Variants in SGCZ observed in about 807,000 individuals in gnomAD.
The protein encoded by SGCZ is sarcoglycan zeta.
In SGCZ, 40 loss-of-function variants were observed where a neutral mutation model predicts 41.3. The observed-to-expected ratio is 0.97, with a 90% confidence interval of 0.75 to 1.26. The LOEUF (loss-of-function observed/expected upper bound fraction) is 1.26, where lower values mean the gene tolerates loss of function less well. Ranked by LOEUF, SGCZ falls within the 50% of genes most tolerant of loss-of-function variation. SGCZ has a pLI of 0.00. For missense variants in SGCZ, 552 were observed against 369.8 expected (o/e 1.49, Z -4.04); for synonymous variants, 206 against 137.5 (o/e 1.50, Z -3.49).
At chr8:14,285,163 G>T (rs542700855) in intron 3 of SGCZ, among the ~76,000 whole-genome samples, 1 of 152,098 alleles carries the variant, frequency 6.6e-6, no homozygotes, top group African/African-American at 2.4e-5. Context: ...GATCCTTCTA[G>T]GCTTTTTATT....
At position 15,108,366 on chromosome 8, in the gene SGCZ, G is replaced by A. The variant is rs564373599; in HGVS notation, c.39+129219C>T. ...CTCACTACCCTATGCCCTGCTTCTC[G>A]CTGAATGTCCTGAGGGCTAAAGGGA... On this transcript the variant is annotated intron_variant, in intron 1 of 7. Coordinates refer to ENST00000382080, the MANE Select transcript of SGCZ (RefSeq NM_139167.4). Among the ~76,000 whole-genome samples the A allele has an allele frequency of 3.3e-5, 5 of 152,200 alleles. No homozygotes were observed. The South Asian group carries it at 8.3e-4, about 25-fold the overall frequency.
chr8:14,419,645 T>C (rs914841572), intron 2 of SGCZ, among the ~76,000 whole-genome samples: 2 of 151,996 alleles, frequency 1.3e-5, no homozygotes, highest in African/African-American at 2.4e-5. Context: ...GCAACTATAA[T>C]GTTTGATGAA....
At chr8:14,094,783 C>A (rs1585127891) in intron 7 of SGCZ, among the ~76,000 whole-genome samples, 1 of 152,158 alleles carries the variant, frequency 6.6e-6, no homozygotes, top group East Asian at 1.9e-4. Flanking sequence ...TTCTCCACAT[C>A]CTCACCAGCA....
At chr8:14,487,860 C>T (rs1357817137) in intron 2 of SGCZ, 1 of 150,224 alleles carries the variant, frequency 6.7e-6, no homozygotes, top group Non-Finnish European at 1.5e-5. Flanking sequence ...AATTGTAGCA[C>T]ATGTACAACC....
chr8:14,421,794 G>A (rs1799643956), intron 2 of SGCZ, among the ~76,000 whole-genome samples: 1 of 151,926 alleles, frequency 6.6e-6, no homozygotes, highest in Admixed American at 6.6e-5. Context: ...TATATACTAG[G>A]AGTCAATAAA....
chr8:14,487,664 C>T (rs1405971624), intron 2 of SGCZ: 1 of 152,156 alleles, frequency 6.6e-6, no homozygotes, highest in Non-Finnish European at 1.5e-5. Flanking sequence ...TTTATCTTAC[C>T]CCAGAGAGAA....
rs988947968 is a variant in SGCZ at position 14,438,800 on chromosome 8, T to C, written c.235-114596A>G. ...ATTAATAAATAGAAAACCATGATAATTTTAATTATACCTTAACATCATATT... is the reference window on the plus strand; with the variant it reads ...ATTAATAAATAGAAAACCATGATAACTTTAATTATACCTTAACATCATATT... On this transcript the variant is annotated intron_variant, in intron 2 of 7. Coordinates refer to ENST00000382080, the MANE Select transcript of SGCZ (RefSeq NM_139167.4). 3.3e-5 allele frequency among the ~76,000 whole-genome samples: 5 copies of C among 152,162 alleles called. No homozygotes were observed. The East Asian group carries it at 9.6e-4, about 29-fold the overall frequency.
chr8:15,046,773 A>G (rs906156881), intron 1 of SGCZ, among the ~76,000 whole-genome samples: 2 of 152,004 alleles, frequency 1.3e-5, no homozygotes, highest in African/African-American at 4.8e-5. Context: ...AGATATACAA[A>G]TGTCTGATGC....
At chr8:14,511,686 G>C (rs1802472728) in intron 2 of SGCZ, among the ~76,000 whole-genome samples, 1 of 152,098 alleles carries the variant, frequency 6.6e-6, no homozygotes. Context: ...AAATGTGAAA[G>C]AATTTAGGGA....
chr8:14,582,723 T>G (rs1804933350), intron 1 of SGCZ, among the ~76,000 whole-genome samples: 1 of 145,166 alleles, frequency 6.9e-6, no homozygotes, highest in Admixed American at 7.1e-5. Flanking sequence ...GTGTTCTCAT[T>G]GTTCAATTCC....
intron 1 of SGCZ, among the ~76,000 whole-genome samples, chr8:14,643,147 T>G (rs548022399): frequency 6.6e-6 from 1 of 151,478 alleles, no homozygotes; most frequent in Non-Finnish European, 1.5e-5. Flanking sequence ...AATAGCAAAA[T>G]AGATGAAGGG....
intron 1 of SGCZ, among the ~76,000 whole-genome samples, chr8:15,197,834 G>T (rs1441893910): frequency 6.6e-6 from 1 of 151,746 alleles, no homozygotes; most frequent in Non-Finnish European, 1.5e-5. Flanking sequence ...CCTTTAGGTA[G>T]TAAATTATAC....
chr8:14,653,314 C>A (rs1259523935), intron 1 of SGCZ, among the ~76,000 whole-genome samples: 1 of 152,068 alleles, frequency 6.6e-6, no homozygotes, highest in Non-Finnish European at 1.5e-5. Flanking sequence ...TTGAGAAACA[C>A]AGTGGTCTTG....
intron 1 of SGCZ, among the ~76,000 whole-genome samples, chr8:15,174,901 G>A (rs144440834): frequency 2.6e-5 from 4 of 152,074 alleles, no homozygotes; most frequent in Non-Finnish European, 4.4e-5. Context: ...GTTGGGAGGA[G>A]TGTAAATTAA....
intron 1 of SGCZ, among the ~76,000 whole-genome samples, chr8:15,021,885 A>G (rs1803263266): frequency 1.3e-5 from 2 of 152,198 alleles, no homozygotes; most frequent in Admixed American, 1.3e-4. Context: ...AATTCTTAGA[A>G]TTACTGAAAT....
intron 2 of SGCZ, among the ~76,000 whole-genome samples, chr8:14,519,939 T>C (rs552036735): frequency 7.9e-5 from 12 of 152,240 alleles, no homozygotes; most frequent in African/African-American, 2.9e-4. Flanking sequence ...ACATAAACCA[T>C]GGTTTAAATT....
chr8:14,945,372 T>C (rs933719947), intron 1 of SGCZ, among the ~76,000 whole-genome samples: 2 of 152,160 alleles, frequency 1.3e-5, no homozygotes, highest in Non-Finnish European at 2.9e-5. Context: ...GTGAGATCTA[T>C]GGTAGATACT....
At chr8:14,842,225 T>C (rs1447963267) in intron 1 of SGCZ, among the ~76,000 whole-genome samples, 1 of 152,114 alleles carries the variant, frequency 6.6e-6, no homozygotes, top group East Asian at 1.9e-4. Flanking sequence ...TTAGCAAATG[T>C]TTTCCTGCCT....
At chr8:14,743,709 A>G (rs1799262464) in intron 1 of SGCZ, among the ~76,000 whole-genome samples, 1 of 152,096 alleles carries the variant, frequency 6.6e-6, no homozygotes, top group African/African-American at 2.4e-5. Flanking sequence ...TTATTCAGCC[A>G]TATCTTGGGC....
Sources: gnomAD v4.1 joint callset for allele counts (sites outside exome capture counted in the v4.1 genomes callset) on GRCh38, gnomAD v4.1.1 for gene constraint, MANE v1.5 for transcripts, NCBI Gene and HGNC (gene_info 2026-07-23, HGNC 2026-07-21) for gene names.